Variants in EIF4G3 observed in about 807,000 individuals in gnomAD.
EIF4G3 encodes eIF-4-gamma 3.
Under a neutral mutation model 186.4 loss-of-function variants are expected in EIF4G3, and 34 were observed. The ratio of observed to expected loss-of-function variants is 0.18; its 90% CI spans 0.14 to 0.24. The LOEUF (loss-of-function observed/expected upper bound fraction) is 0.24. Ranked by LOEUF, EIF4G3 falls within the 10% of genes least tolerant of loss-of-function variation. The pLI, the probability that EIF4G3 is intolerant of heterozygous loss-of-function variation, is 1.00. For synonymous variants in EIF4G3, 673 were observed against 679.5 expected, an observed-to-expected ratio of 0.99 and a Z score of 0.15; for missense variants, 1,536 against 1,948.5, an observed-to-expected ratio of 0.79 and a Z score of 3.99.
At chr1:20,949,200 C>T (rs919283436) in intron 13 of EIF4G3, among the ~76,000 whole-genome samples, 4 of 152,082 alleles carry the variant, frequency 2.6e-5, no homozygotes, top group Non-Finnish European at 5.9e-5. Flanking sequence ...TAGCAAAGGT[C>T]AAGTTAAAAT....
rs1279965711 is a variant in EIF4G3, at chr1:21,147,498, G to A, written c.-272+28677C>T. ...TGGGATTACAGGTTCCTGCCACCAC[G>A]CCTGGCTAATTTTTAGTAGAGACAG... On this transcript the variant is annotated intron_variant, in intron 2 of 36. Transcript: ENST00000602326. 4.6e-5 allele frequency among the ~76,000 whole-genome samples: 7 copies of A among 151,584 alleles called. No individual in the cohort carries two copies. In the South Asian group the frequency reaches 6.3e-4, roughly 14 times the overall value.
chr1:21,079,452 G>A (rs2095691787), intron 3 of EIF4G3, among the ~76,000 whole-genome samples: 2 of 147,628 alleles, frequency 1.4e-5, no homozygotes, highest in African/African-American at 5.0e-5. Flanking sequence ...AAAATTGCTT[G>A]AGTTCAGGAG....
intron 3 of EIF4G3, among the ~76,000 whole-genome samples, chr1:21,070,353 A>G (rs2095406907): frequency 6.6e-6 from 1 of 152,178 alleles, no homozygotes; most frequent in Non-Finnish European, 1.5e-5. Flanking sequence ...TCCACTCCCT[A>G]TGGCAAAATG....
At chr1:20,989,138 T>A (rs1041308658) in intron 7 of EIF4G3, among the ~76,000 whole-genome samples, 1 of 132,506 alleles carries the variant, frequency 7.5e-6, no homozygotes, top group Non-Finnish European at 1.6e-5. Flanking sequence ...GGCCAAAATA[T>A]CAACATTCAC....
chr1:21,108,786 C>G (rs536116858), intron 2 of EIF4G3, among the ~76,000 whole-genome samples: 374 of 151,692 alleles, frequency 2.5e-3, no homozygotes, highest in Non-Finnish European at 4.7e-3. Context: ...GCCTGTAATC[C>G]CAGCTACTCA....
Position 20,971,729 on chromosome 1 carries a change from T to G in EIF4G3, c.591+1273A>C, listed in dbSNP as rs1433761459. Among the ~76,000 whole-genome samples the G allele has an allele frequency of 5.9e-5, 9 of 152,208 alleles. No homozygotes were observed. The South Asian group carries it at 1.9e-3, about 32-fold the overall frequency. On this transcript the variant is annotated intron_variant, in intron 11 of 36. Transcript: ENST00000602326. ...TCTCACTGCAACCTCCCCCTCCCAG[T>G]TTCAAGTGATTCTCGTGCCTCAGCC...
chr1:21,157,222 A>G (rs778717894), intron 2 of EIF4G3, among the ~76,000 whole-genome samples: 3 of 152,024 alleles, frequency 2.0e-5, no homozygotes, highest in Non-Finnish European at 2.9e-5. Context: ...GACTCTGCCC[A>G]TACCATTTCC....
chr1:21,053,944 C>T (rs1320519329), intron 3 of EIF4G3, among the ~76,000 whole-genome samples: 3 of 152,008 alleles, frequency 2.0e-5, no homozygotes, highest in Admixed American at 6.5e-5. Context: ...CCCCTCTGCC[C>T]GGCCACCACC....
chr1:20,995,528 C>T (rs888728937), intron 7 of EIF4G3, among the ~76,000 whole-genome samples: 3 of 152,032 alleles, frequency 2.0e-5, no homozygotes, highest in African/African-American at 7.3e-5. Context: ...CCCACCACCA[C>T]GCCCGGCTAC....
chr1:21,113,146 CAAAAAAAAA>C (rs5772939), intron 2 of EIF4G3, among the ~76,000 whole-genome samples: 5 of 51,464 alleles, frequency 9.7e-5, no homozygotes, highest in Non-Finnish European at 9.8e-5. Context: ...GGCCCTATCT[CAAAAAAAAA>C]AAAAAAAAAA....
At chr1:21,053,630 C>A (rs1389755937) in intron 3 of EIF4G3, among the ~76,000 whole-genome samples, 1 of 133,228 alleles carries the variant, frequency 7.5e-6, no homozygotes, top group Non-Finnish European at 1.7e-5. Context: ...CCGCCCCGTC[C>A]GGGAGGTGAG....
At position 21,060,676 on chromosome 1, in the gene EIF4G3, G is replaced by A. The variant is rs187655693; in HGVS notation, c.-195-9682C>T. Among the ~76,000 whole-genome samples, 9 of 151,464 alleles carry A rather than the reference G, an allele frequency of 5.9e-5. 1 individual carries two copies. The East Asian group carries it at 1.2e-3, about 20-fold the overall frequency. ...TCTGCAGTCCCAGCTACTTGGGAGC[G>A]TAAGGCAAGAGGCCCAACAGTTCGG... On this transcript the variant is annotated intron_variant, in intron 3 of 36. Coordinates refer to ENST00000602326, the MANE Select transcript of EIF4G3 (RefSeq NM_001391906.1).
intron 2 of EIF4G3, among the ~76,000 whole-genome samples, chr1:21,108,574 C>T (rs1268502930): frequency 6.6e-6 from 1 of 152,044 alleles, no homozygotes; most frequent in Non-Finnish European, 1.5e-5. Context: ...AATATAAATG[C>T]TTAAAGATGT....
At chr1:20,900,894 T>G (rs1268154469) in intron 15 of EIF4G3, among the ~76,000 whole-genome samples, 1 of 152,176 alleles carries the variant, frequency 6.6e-6, no homozygotes, top group Non-Finnish European at 1.5e-5. Flanking sequence ...TCTATGAAAT[T>G]ATGTTTAAAA....
intron 32 of EIF4G3, among the ~76,000 whole-genome samples, 173 bp from the exon 33 acceptor site, chr1:20,825,371 G>C (rs756648170): frequency 2.5e-4 from 37 of 150,082 alleles, no homozygotes; most frequent in Non-Finnish European, 4.3e-4. Flanking sequence ...CTAGCTACTA[G>C]GGAGGCTGAG....
At chr1:20,899,073 C>T (rs1212102879) in intron 16 of EIF4G3, among the ~76,000 whole-genome samples, 5 of 152,140 alleles carry the variant, frequency 3.3e-5, no homozygotes, top group African/African-American at 1.2e-4. Context: ...CAGATCCATA[C>T]CAAATCTCTC....
Position 20,810,623 on chromosome 1 carries a change from G to A in EIF4G3, c.4744+115C>T. 8.2e-7 allele frequency: 1 copy of A among 1,221,076 alleles called. No individual in the cohort carries two copies. The highest frequency in any genetic ancestry group is 1.2e-6 in the Non-Finnish European group (1 of 860,352). 75.6% of individuals were successfully genotyped at this position (1,221,076 alleles called of 1,614,324 possible). On this transcript the variant is annotated intron_variant, in intron 36 of 36. Coordinates refer to ENST00000602326, the MANE Select transcript of EIF4G3 (RefSeq NM_001391906.1). This position sits in a 1 kb window ranked among gnomAD's most constrained non-coding sequence, Gnocchi z 4.1. ...TTATTAAAGTTAGTTATATGAGTTT[G>A]TGTTATTAGTGATTCTTTTATTGTC... is the stretch of plus-strand genomic sequence containing the variant.
At chr1:20,885,152 C>A (rs551534803) in intron 19 of EIF4G3, among the ~76,000 whole-genome samples, 1 of 152,246 alleles carries the variant, frequency 6.6e-6, no homozygotes, top group Admixed American at 6.5e-5. Flanking sequence ...GCTGTGTGGC[C>A]CCGTTCCCAA....
intron 25 of EIF4G3, among the ~76,000 whole-genome samples, chr1:20,856,632 T>C (rs1341170224): frequency 1.3e-5 from 2 of 152,240 alleles, no homozygotes; most frequent in East Asian, 3.8e-4. Flanking sequence ...TAAATCCTTA[T>C]TACAGAATGA....
Sources: gnomAD v4.1 joint callset for allele counts (sites outside exome capture counted in the v4.1 genomes callset) on GRCh38, gnomAD v4.1.1 for gene constraint, Gnocchi (gnomAD v3.1) non-coding constraint, MANE v1.5 for transcripts, NCBI Gene and HGNC (gene_info 2026-07-23, HGNC 2026-07-21) for gene names.